DLG2: variants seen among roughly 807,000 people sequenced by gnomAD.
DLG2 encodes the protein discs large MAGUK scaffold protein 2.
DLG2 carries 45 observed loss-of-function variants against 132.5 expected under a neutral mutation model. The ratio of observed to expected loss-of-function variants is 0.34; its 90% confidence interval spans 0.27 to 0.44. The LOEUF (loss-of-function observed/expected upper bound fraction) is 0.44, where lower values mean the gene tolerates loss of function less well. Among genes scored for constraint, DLG2 ranks in the 20% least tolerant of loss-of-function variants. DLG2 has a pLI of 1.00. For missense variants in DLG2, 1,045 were observed against 1,196.9 expected, an observed-to-expected ratio of 0.87 and a Z score of 1.87; for synonymous variants, 424 against 419.6, an observed-to-expected ratio of 1.01 and a Z score of -0.13.
intron 6 of DLG2, among the ~76,000 whole-genome samples, chr11:84,995,781 C>T (rs1340477748): frequency 6.6e-6 from 1 of 151,864 alleles, no homozygotes; most frequent in Non-Finnish European, 1.5e-5. Flanking sequence ...TTATGGAAGC[C>T]TAGGACAGGT....
intron 3 of DLG2, among the ~76,000 whole-genome samples, chr11:85,404,112 C>A (rs1305581047): frequency 6.6e-6 from 1 of 151,900 alleles, no homozygotes. Context: ...GAGACCCTAA[C>A]CTTGAATGGA....
At chr11:83,494,976 C>A (rs952131436) in intron 21 of DLG2, among the ~76,000 whole-genome samples, 4 of 152,112 alleles carry the variant, frequency 2.6e-5, no homozygotes, top group Non-Finnish European at 5.9e-5. Flanking sequence ...CTTTATTTTT[C>A]TCTCCCTACT....
intron 3 of DLG2, among the ~76,000 whole-genome samples, chr11:85,560,310 T>G (rs1357505226): frequency 6.6e-6 from 1 of 151,848 alleles, no homozygotes; most frequent in Non-Finnish European, 1.5e-5. Flanking sequence ...TTTATATATT[T>G]AAAAACTGGA....
At chr11:85,492,727 T>C (rs1425382804) in intron 3 of DLG2, among the ~76,000 whole-genome samples, 6 of 145,706 alleles carry the variant, frequency 4.1e-5, no homozygotes, top group Non-Finnish European at 8.8e-5. Context: ...AAATATAGGT[T>C]ACATGGCACA....
intron 6 of DLG2, among the ~76,000 whole-genome samples, chr11:84,928,101 A>G (rs879891783): frequency 2.0e-5 from 3 of 151,976 alleles, no homozygotes; most frequent in Non-Finnish European, 2.9e-5. Context: ...AGAGGAAAGT[A>G]TAGAAAACAA....
chr11:85,426,836 AG>A (rs769480232), intron 3 of DLG2, among the ~76,000 whole-genome samples: 11 of 152,214 alleles, frequency 7.2e-5, no homozygotes, highest in Non-Finnish European at 1.5e-4. Context: ...TCTGAGCTAA[AG>A]GAGGAAGTTC....
intron 6 of DLG2, among the ~76,000 whole-genome samples, chr11:84,561,915 CA>C (rs1192184712): frequency 6.6e-6 from 1 of 151,904 alleles, no homozygotes; most frequent in Non-Finnish European, 1.5e-5. Flanking sequence ...GGGTTTCAAC[CA>C]AACAGAATTC....
intron 3 of DLG2, among the ~76,000 whole-genome samples, chr11:85,591,860 C>T (rs1379817544): frequency 6.6e-6 from 1 of 152,194 alleles, no homozygotes; most frequent in African/African-American, 2.4e-5. Context: ...TAATGCTTGT[C>T]TCCCCAGTGT....
At chr11:84,761,229 G>T (rs541622180) in intron 6 of DLG2, among the ~76,000 whole-genome samples, 1 of 152,312 alleles carries the variant, frequency 6.6e-6, no homozygotes, top group Admixed American at 6.5e-5. Context: ...TAGAATTGAA[G>T]CAATGCATTT....
intron 18 of DLG2, chr11:83,643,837 A>G (rs1309464716): frequency 6.6e-6 from 1 of 150,410 alleles, no homozygotes; most frequent in Non-Finnish European, 1.5e-5. Flanking sequence ...TCCTAGTTTC[A>G]TTCAGTTTTT....
At chr11:84,862,255 C>CA (rs2083821688) in intron 6 of DLG2, among the ~76,000 whole-genome samples, 2 of 151,852 alleles carry the variant, frequency 1.3e-5, no homozygotes, top group African/African-American at 4.8e-5. Context: ...AAATGCAAAC[C>CA]AAAACCACAA....
intron 21 of DLG2, among the ~76,000 whole-genome samples, chr11:83,498,554 T>C (rs2094273755): frequency 6.6e-6 from 1 of 151,692 alleles, no homozygotes; most frequent in Non-Finnish European, 1.5e-5. Context: ...TAGCTAACAC[T>C]GTACTTAGAG....
intron 20 of DLG2, among the ~76,000 whole-genome samples, chr11:83,540,593 G>C (rs753449237): frequency 6.6e-6 from 1 of 152,184 alleles, no homozygotes; most frequent in Non-Finnish European, 1.5e-5. Flanking sequence ...AGAGAGAAGA[G>C]AGGATCAGTT....
chr11:84,664,676 C>T (rs2099698088), intron 6 of DLG2, among the ~76,000 whole-genome samples: 1 of 152,106 alleles, frequency 6.6e-6, no homozygotes, highest in Non-Finnish European at 1.5e-5. Flanking sequence ...CAAAAAGCTT[C>T]AAATATATTC....
At chr11:83,729,188 T>A (rs2090547960) in intron 18 of DLG2, among the ~76,000 whole-genome samples, 1 of 152,214 alleles carries the variant, frequency 6.6e-6, no homozygotes, top group Non-Finnish European at 1.5e-5. Flanking sequence ...TTCTGATGTT[T>A]GGACGTTCAT....
intron 18 of DLG2, among the ~76,000 whole-genome samples, chr11:83,783,965 GAA>G (rs2094938088): frequency 6.6e-6 from 1 of 152,086 alleles, no homozygotes; most frequent in Admixed American, 6.6e-5. Context: ...AAAAATCCTT[GAA>G]GACAAAGACT....
chr11:84,948,727 T>C (rs1280951175), intron 6 of DLG2, among the ~76,000 whole-genome samples: 1 of 152,210 alleles, frequency 6.6e-6, no homozygotes, highest in East Asian at 1.9e-4. Context: ...TCTTGACAGG[T>C]ACAAAATACA....
chr11:83,694,384 T>C lies in DLG2; in HGVS notation c.1826-61059A>G, dbSNP rs150274164. The stretch of plus-strand genomic sequence containing the variant: ...AAGAAAAGGGAAGAACAAAGGCCAT[T>C]GTCCCCGGCCCTGGAGACTAGCCTG... On this transcript the variant is annotated intron_variant, in intron 18 of 27. Transcript: ENST00000376104. Among the ~76,000 whole-genome samples the C allele has an allele frequency of 3.3e-4, 50 of 152,268 alleles. 1 individual carries two copies. Among genetic ancestry groups the C allele is most frequent in the African/African-American group, 1.2e-3 (49 of 41,572 alleles).
At chr11:85,322,845 T>C (rs1565322283) in intron 3 of DLG2, among the ~76,000 whole-genome samples, 1 of 152,280 alleles carries the variant, frequency 6.6e-6, no homozygotes, top group African/African-American at 2.4e-5. Flanking sequence ...TTCCCATTCC[T>C]GCTGCTGCTA....
Sources: gnomAD v4.1 joint callset for allele counts (sites outside exome capture counted in the v4.1 genomes callset) on GRCh38, gnomAD v4.1.1 for gene constraint, MANE v1.5 for transcripts, NCBI Gene and HGNC (gene_info 2026-07-23, HGNC 2026-07-21) for gene names.